TRHDE: variants seen among roughly 807,000 people sequenced by gnomAD.
TRHDE encodes thyrotropin-releasing hormone-degrading ectoenzyme.
A neutral mutation model predicts 125.7 loss-of-function variants in TRHDE; 72 were observed. The observed-to-expected ratio is 0.57, with a 90% CI of 0.47 to 0.70. The LOEUF is 0.70. Ranked by LOEUF, TRHDE falls within the 30% of genes least tolerant of loss-of-function variation. TRHDE has a pLI of 0.00. For synonymous variants in TRHDE, 509 were observed against 509.1 expected, an observed-to-expected ratio of 1.00 and a Z score of 0.00; for missense variants, 1,110 against 1,327.1, an observed-to-expected ratio of 0.84 and a Z score of 2.54.
intron 12 of TRHDE, among the ~76,000 whole-genome samples, chr12:72,615,058 T>A (rs966722558): frequency 6.6e-5 from 10 of 152,156 alleles, no homozygotes; most frequent in Admixed American, 2.6e-4. Flanking sequence ...GAGGAGCAGC[T>A]GTCTAGCTGC....
At chr12:72,323,636 G>C (rs558359694) in intron 2 of TRHDE, among the ~76,000 whole-genome samples, 1 of 152,224 alleles carries the variant, frequency 6.6e-6, no homozygotes, top group African/African-American at 2.4e-5. Flanking sequence ...TCCGTAGGCT[G>C]TGACTGACTC....
intron 3 of TRHDE, among the ~76,000 whole-genome samples, chr12:72,416,510 T>G (rs1227093072): frequency 5.3e-5 from 8 of 152,062 alleles, no homozygotes; most frequent in Non-Finnish European, 1.0e-4. Flanking sequence ...AATAGTTTCA[T>G]AGTTTTAGGT....
chr12:72,291,777 T>C (rs1008374975), intron 2 of TRHDE, among the ~76,000 whole-genome samples: 56 of 152,334 alleles, frequency 3.7e-4, no homozygotes, highest in African/African-American at 1.3e-3. Flanking sequence ...GCAAATACTA[T>C]ACCATTTATA....
intron 5 of TRHDE, 41 bp downstream of exon 5, chr12:72,473,221 C>A: frequency 6.8e-7 from 1 of 1,481,120 alleles, no homozygotes; most frequent in South Asian, 1.1e-5. Context: ...AGTAAAAGGC[C>A]GATCTAGTGT....
intron 1 of TRHDE, among the ~76,000 whole-genome samples, chr12:72,095,175 C>T (rs1874883492): frequency 1.3e-5 from 2 of 152,228 alleles, no homozygotes; most frequent in Admixed American, 6.5e-5. Flanking sequence ...TGAGAAAATC[C>T]TTTAGTGTGG....
At chr12:72,197,907 C>CTTTTTTTTTTTTTTTTTTT (rs1877476792) in intron 2 of TRHDE, among the ~76,000 whole-genome samples, 1 of 151,954 alleles carries the variant, frequency 6.6e-6, no homozygotes, top group African/African-American at 2.4e-5. Flanking sequence ...CTGATTACAT[C>CTTTTTTTTTTTTTTTTTTT]TTTTATTTTT....
chr12:72,494,736 G>C (rs1877831013), intron 5 of TRHDE, among the ~76,000 whole-genome samples: 3 of 152,002 alleles, frequency 2.0e-5, no homozygotes, highest in Admixed American at 2.0e-4. Context: ...CTAATGCTGT[G>C]ATAAGAACTA....
intron 6 of TRHDE, among the ~76,000 whole-genome samples, chr12:72,517,951 G>T (rs201884211): frequency 6.6e-6 from 1 of 151,838 alleles, no homozygotes; most frequent in East Asian, 1.9e-4. Flanking sequence ...GTAATTGAGC[G>T]GTTTTGAGTG....
At chr12:72,550,854 T>C (rs962110997) in intron 7 of TRHDE, among the ~76,000 whole-genome samples, 4 of 151,954 alleles carry the variant, frequency 2.6e-5, no homozygotes, top group Admixed American at 2.6e-4. Context: ...TAAACAGGAT[T>C]CTTATAAATT....
chr12:72,151,214 T>G (rs909704120), intron 2 of TRHDE, among the ~76,000 whole-genome samples: 2 of 152,240 alleles, frequency 1.3e-5, no homozygotes, highest in African/African-American at 4.8e-5. Context: ...GAAGTGTCTG[T>G]TCATATCCTT....
chr12:72,559,237 G>A (rs1428119143), intron 7 of TRHDE, among the ~76,000 whole-genome samples: 2 of 152,082 alleles, frequency 1.3e-5, no homozygotes, highest in Non-Finnish European at 2.9e-5. Context: ...TTTATGATGT[G>A]CTAGGCACTA....
At position 72,562,185 on chromosome 12, in the gene TRHDE, G is replaced by A. The variant is rs756692584; in HGVS notation, c.1809G>A (p.Lys603=). 3.8e-6 allele frequency: 6 copies of A among 1,558,942 alleles called. No individual in the cohort carries two copies. In the South Asian group the frequency reaches 5.7e-5, roughly 15 times the overall value. The change falls in exon 8 of 19, where the codon AAG becomes AAA. Residue 603 remains lysine (K), a synonymous_variant. Coordinates refer to ENST00000261180, the MANE Select transcript of TRHDE (RefSeq NM_013381.3). ...RGLQDYLTIH[K]YGNAARNDLW... ...TGTAGGATTATTTAACCATTCATAA[G>A]TATGGTAATGCAGCCAGAAATGATC...
chr12:72,139,242 C>A (rs1876057949), intron 2 of TRHDE, among the ~76,000 whole-genome samples: 1 of 151,226 alleles, frequency 6.6e-6, no homozygotes, highest in Admixed American at 6.6e-5. Flanking sequence ...CATCCACCAC[C>A]AAATTTTAAA....
Position 72,669,861 on chromosome 12 carries a change from TTTCATTG to T in TRHDE, c.*6667_*6673del, listed in dbSNP as rs1875207338. ...ATAAAGATATTTTTCATTTTTCATTTTTCATTGCTATCTTTTAATCCCTTTGCATTTT... is the reference window on the plus strand; with the variant it reads ...ATAAAGATATTTTTCATTTTTCATTTCTATCTTTTAATCCCTTTGCATTTT... On this transcript the variant is annotated 3_prime_UTR_variant, in exon 19 of 19. Coordinates refer to ENST00000261180, the MANE Select transcript of TRHDE (RefSeq NM_013381.3). The T allele has an allele frequency of 6.7e-6, 1 of 149,496 alleles. No individual in the cohort carries two copies. Among genetic ancestry groups the T allele is most frequent in the Admixed American group, 6.8e-5 (1 of 14,714 alleles). The allele number at this position is 149,496 out of a possible 1,614,324, so 9.3% of individuals were successfully genotyped here. A position where few individuals can be genotyped will look rare whatever the true frequency, so the allele number is the denominator to read the frequency against.
At chr12:72,118,826 C>T (rs1214939481) in intron 2 of TRHDE, among the ~76,000 whole-genome samples, 2 of 152,066 alleles carry the variant, frequency 1.3e-5, no homozygotes, top group Non-Finnish European at 2.9e-5. Context: ...TTCTGACTTA[C>T]TGGCATATAG....
rs1419709118 is a variant in TRHDE, at chr12:72,273,261, C to T, written c.618C>T (p.Phe206=). The T allele has an allele frequency of 1.2e-6, 2 of 1,613,984 alleles. No homozygotes were observed. The highest frequency in any genetic ancestry group is 4.5e-5 in the East Asian group (2 of 44,876). ...NLMLTAFMEN[F]TFSGEVNVEI... ...TGCTCACCGCCTTCATGGAGAACTT[C>T]ACCTTCTCCGGGGAGGTCAACGTGG... The change falls in exon 1 of 19, where the codon TTC becomes TTT. Residue 206 remains phenylalanine, a synonymous_variant. Coordinates refer to ENST00000261180, the MANE Select transcript of TRHDE (RefSeq NM_013381.3). This position sits in a 1 kb window ranked among gnomAD's most constrained non-coding sequence, Gnocchi z 5.3.
At chr12:72,118,347 T>C (rs943103423) in intron 2 of TRHDE, among the ~76,000 whole-genome samples, 4 of 152,162 alleles carry the variant, frequency 2.6e-5, no homozygotes, top group Non-Finnish European at 5.9e-5. Flanking sequence ...TGATACAATA[T>C]ATCACCTTGT....
chr12:72,105,074 G>T (rs1271609115), intron 1 of TRHDE, among the ~76,000 whole-genome samples: 1 of 152,196 alleles, frequency 6.6e-6, no homozygotes, highest in Non-Finnish European at 1.5e-5. Context: ...AACCAGCTGT[G>T]AGAGTCAGAT....
intron 3 of TRHDE, among the ~76,000 whole-genome samples, chr12:72,451,484 GTGTCTGTTTTTA>G (rs928668417): frequency 7.2e-5 from 11 of 152,300 alleles, no homozygotes; most frequent in South Asian, 6.2e-4. Flanking sequence ...ATTGGTCTAT[GTGTCTGTTTTTA>G]TGCCAGCACT....
Sources: allele counts gnomAD v4.1 joint callset (sites outside exome capture counted in the v4.1 genomes callset), GRCh38; gene constraint gnomAD v4.1.1; non-coding constraint Gnocchi (gnomAD v3.1); transcripts MANE v1.5; gene names NCBI Gene and HGNC (gene_info 2026-07-23, HGNC 2026-07-21).